Variants in COL4A2 observed in about 807,000 individuals in gnomAD.
The protein encoded by COL4A2 is collagen type IV alpha 2 chain.
Under a neutral mutation model 200.2 loss-of-function variants are expected in COL4A2, and 99 were observed. That is an observed-to-expected ratio of 0.49 (90% confidence interval 0.42 to 0.58). The LOEUF (loss-of-function observed/expected upper bound fraction) is 0.58, where lower values mean the gene tolerates loss of function less well. Among genes scored for constraint, COL4A2 ranks in the 20% least tolerant of loss-of-function variants. COL4A2 has a pLI of 0.00. For synonymous variants in COL4A2, 897 were observed against 900.6 expected (o/e 1.00, Z 0.07); for missense variants, 1,950 against 2,314.1 (o/e 0.84, Z 3.23).
intron 4 of COL4A2, among the ~76,000 whole-genome samples, chr13:110,381,053 G>T (rs1286593146): frequency 1.0e-5 from 1 of 99,200 alleles, no homozygotes; most frequent in Admixed American, 1.1e-4. Context: ...TACGGGCTCT[G>T]TCTCACACCC....
chr13:110,431,915 T>C (rs1185108746), intron 10 of COL4A2, among the ~76,000 whole-genome samples: 1 of 152,216 alleles, frequency 6.6e-6, no homozygotes, highest in Non-Finnish European at 1.5e-5. Flanking sequence ...GTAGATTCAT[T>C]CTGTCCATGA....
chr13:110,316,709 A>G (rs151256702), intron 3 of COL4A2, among the ~76,000 whole-genome samples: 210 of 152,320 alleles, frequency 1.4e-3, no homozygotes, highest in Admixed American at 2.3e-3. Context: ...TGGTTCACAG[A>G]TGGGTAAACT....
intron 18 of COL4A2, among the ~76,000 whole-genome samples, chr13:110,447,642 CA>C (rs1881378657): frequency 6.6e-6 from 1 of 152,184 alleles, no homozygotes; most frequent in African/African-American, 2.4e-5. Context: ...ATGTTATAGT[CA>C]GCTCTGTGAG....
At chr13:110,413,142 T>C (rs568073556) in intron 4 of COL4A2, among the ~76,000 whole-genome samples, 12 of 152,112 alleles carry the variant, frequency 7.9e-5, no homozygotes, top group African/African-American at 2.9e-4. Flanking sequence ...GCATCAGAAA[T>C]TGGGAAGTCA....
chr13:110,509,358 G>A (rs1390197146), intron 47 of COL4A2, among the ~76,000 whole-genome samples: 11 of 148,552 alleles, frequency 7.4e-5, no homozygotes, highest in Admixed American at 4.7e-4. Context: ...AAAAAAATCC[G>A]GATTCTAGGA....
intron 40 of COL4A2, 134 bp from the exon 41 acceptor site, chr13:110,501,534 C>T: frequency 1.3e-6 from 1 of 760,252 alleles, no homozygotes; most frequent in Non-Finnish European, 2.2e-6. Flanking sequence ...TGTTCCTTGG[C>T]CTGAGGGCAC....
rs1207589898 is a variant in COL4A2 at position 110,473,242 on chromosome 13, A to G, written c.2425+92A>G. On this transcript the variant is annotated intron_variant, in intron 29 of 47. Transcript: ENST00000360467. ...AATCCCTTCCGGGGGATTTGGTAGGAAGCAGCGGTGCCCTATAGTGCTAGC... is the reference window on the plus strand; with the variant it reads ...AATCCCTTCCGGGGGATTTGGTAGGGAGCAGCGGTGCCCTATAGTGCTAGC... 5 of 1,240,140 alleles carry G rather than the reference A, an allele frequency of 4.0e-6. No individual in the cohort carries two copies. In the East Asian group the frequency reaches 1.0e-4, roughly 26 times the overall value. 76.8% of individuals were successfully genotyped at this position (1,240,140 alleles called of 1,614,324 possible). A position where few individuals can be genotyped will look rare whatever the true frequency, so the allele number is the denominator to read the frequency against.
rs562814417 is a variant in COL4A2 at position 110,363,996 on chromosome 13, C to T, written c.180+6444C>T. ...GATTATAGGCGTGAGCCACTGCACC[C>T]GGCCTCTGTCTTAGTTCTTTGAAGA... On this transcript the variant is annotated intron_variant, in intron 4 of 47. Coordinates refer to ENST00000360467, the MANE Select transcript of COL4A2 (RefSeq NM_001846.4). 1.2e-4 allele frequency among the ~76,000 whole-genome samples: 19 copies of T among 152,264 alleles called. No individual in the cohort carries two copies. In the South Asian group the frequency reaches 1.9e-3, roughly 15 times the overall value.
intron 4 of COL4A2, among the ~76,000 whole-genome samples, chr13:110,357,868 C>A (rs536364925): frequency 6.6e-6 from 1 of 152,200 alleles, no homozygotes; most frequent in East Asian, 1.9e-4. Context: ...GGGCATTTAC[C>A]ATGAACGGAG....
At chr13:110,338,066 G>T (rs780173069) in intron 3 of COL4A2, among the ~76,000 whole-genome samples, 4 of 152,158 alleles carry the variant, frequency 2.6e-5, no homozygotes, top group Non-Finnish European at 4.4e-5. Context: ...GATAGGAACT[G>T]CGTATTGCTC....
intron 40 of COL4A2, among the ~76,000 whole-genome samples, chr13:110,497,266 C>T (rs1034015446): frequency 4.6e-5 from 7 of 150,848 alleles, no homozygotes; most frequent in African/African-American, 1.7e-4. Context: ...AGCACAGCCT[C>T]ACTCAGGGGT....
Position 110,508,288 on chromosome 13 carries a change from C to A in COL4A2, c.4881+67C>A. On this transcript the variant is annotated intron_variant, in intron 47 of 47. Coordinates refer to ENST00000360467, the MANE Select transcript of COL4A2 (RefSeq NM_001846.4). The surrounding 1 kb of genome is among the most constrained non-coding windows in gnomAD (Gnocchi z 6.1). ...GCTGGGGACACAGCAAGAACAGCTG[C>A]CTTTGTGAGAAGAATCAGACACGGC... 1 of 1,581,262 alleles carries A rather than the reference C, an allele frequency of 6.3e-7. No homozygotes were observed.
chr13:110,329,355 C>G (rs1875798240), intron 3 of COL4A2, among the ~76,000 whole-genome samples: 1 of 152,224 alleles, frequency 6.6e-6, no homozygotes, highest in Non-Finnish European at 1.5e-5. Flanking sequence ...AAAAAACATA[C>G]TTGCTGCAGT....
At chr13:110,318,301 AGT>A (rs1275786676) in intron 3 of COL4A2, among the ~76,000 whole-genome samples, 1 of 151,876 alleles carries the variant, frequency 6.6e-6, no homozygotes, top group African/African-American at 2.4e-5. Flanking sequence ...AAGTCTGATC[AGT>A]GTGTGTGTGC....
At chr13:110,370,994 C>G (rs1877980441) in intron 4 of COL4A2, among the ~76,000 whole-genome samples, 1 of 152,102 alleles carries the variant, frequency 6.6e-6, no homozygotes, top group Non-Finnish European at 1.5e-5. Flanking sequence ...CTCCTTAATT[C>G]CAGAAGATTA....
At chr13:110,330,503 G>C (rs1352362930) in intron 3 of COL4A2, among the ~76,000 whole-genome samples, 1 of 152,162 alleles carries the variant, frequency 6.6e-6, no homozygotes, top group African/African-American at 2.4e-5. Context: ...CCATCTGCCT[G>C]TTCACAATTC....
At chr13:110,379,895 G>A (rs937446904) in intron 4 of COL4A2, among the ~76,000 whole-genome samples, 4 of 152,006 alleles carry the variant, frequency 2.6e-5, no homozygotes, top group South Asian at 2.1e-4. Context: ...AACCCGCTCC[G>A]CCTTGGAAAG....
intron 27 of COL4A2, 107 bp downstream of exon 27, chr13:110,467,203 G>T: frequency 1.4e-6 from 2 of 1,429,082 alleles, no homozygotes; most frequent in Non-Finnish European, 1.9e-6. Context: ...CCCCACCCCA[G>T]ACATGGTCGT....
chr13:110,424,634 T>TAAA lies in COL4A2; in HGVS notation c.181-97_181-95dup, dbSNP rs779952797. The TAAA allele has an allele frequency of 2.2e-5, 16 of 725,776 alleles. No individual in the cohort carries two copies. In the African/African-American group the frequency reaches 2.5e-4, roughly 11 times the overall value. 45.0% of individuals were successfully genotyped at this position (725,776 alleles called of 1,614,324 possible). On this transcript the variant is annotated intron_variant, in intron 4 of 47. Transcript: ENST00000360467. ...ATGTTCCCTGTAGATTATAGCTCTTTAAAAACAAAAAAAAAAATGTAGTTT... is the reference window on the plus strand; with the variant it reads ...ATGTTCCCTGTAGATTATAGCTCTTTAAAAAAAACAAAAAAAAAAATGTAGTTT...
Sources: gnomAD v4.1 joint callset for allele counts (sites outside exome capture counted in the v4.1 genomes callset) on GRCh38, gnomAD v4.1.1 for gene constraint, Gnocchi (gnomAD v3.1) non-coding constraint, MANE v1.5 for transcripts, NCBI Gene and HGNC (gene_info 2026-07-23, HGNC 2026-07-21) for gene names.